MATCAP2: variants seen among roughly 807,000 people sequenced by gnomAD.
MATCAP2 encodes microtubule associated tyrosine carboxypeptidase 2, also known as putative tyrosine carboxypeptidase MATCAP2.
chr7:36,357,348 G>C, the MATCAP2 span: 3 of 1,613,398 alleles, frequency 1.9e-6, no homozygotes, highest in Non-Finnish European at 1.7e-6. Context: ...GAAGTGTTAG[G>C]AGATTTGCTG....
the MATCAP2 span, chr7:36,333,781 A>C: frequency 1.6e-6 from 2 of 1,221,636 alleles, no homozygotes; most frequent in Non-Finnish European, 2.3e-6. Flanking sequence ...TTTGTGATTC[A>C]GGGATTAGGA....
At chr7:36,353,893 GA>G in the MATCAP2 span, among the ~76,000 whole-genome samples, 1 of 151,138 alleles carries the variant, frequency 6.6e-6, no homozygotes, top group Non-Finnish European at 1.5e-5. Context: ...ATGAACTTAA[GA>G]TAATATGCAG....
chr7:36,351,395 CATAA>C, the MATCAP2 span, among the ~76,000 whole-genome samples: 8 of 151,218 alleles, frequency 5.3e-5, no homozygotes, highest in Non-Finnish European at 1.0e-4. Context: ...GACTCTGGCT[CATAA>C]ATAAATAAAT....
chr7:36,342,697 T>G, the MATCAP2 span, among the ~76,000 whole-genome samples: 1 of 152,166 alleles, frequency 6.6e-6, no homozygotes, highest in East Asian at 1.9e-4. Context: ...CGATCTTGGC[T>G]CACTGCAACT....
the MATCAP2 span, chr7:36,357,513 T>C: frequency 6.2e-7 from 1 of 1,614,164 alleles, no homozygotes; most frequent in Non-Finnish European, 8.5e-7. Context: ...ATGCTTCTTT[T>C]GTTGTCAATG....
chr7:36,364,581 A>T, the MATCAP2 span, among the ~76,000 whole-genome samples: 1 of 152,138 alleles, frequency 6.6e-6, no homozygotes, highest in Non-Finnish European at 1.5e-5. Context: ...ATTTGTAACG[A>T]CTTTTAGAGC....
chr7:36,335,077 A>G, the MATCAP2 span: 16 of 1,613,694 alleles, frequency 9.9e-6, no homozygotes, highest in Non-Finnish European at 1.1e-5. Context: ...CCTCCAGCCA[A>G]TGCTCACGTG....
At chr7:36,380,299 C>T in the MATCAP2 span, among the ~76,000 whole-genome samples, 1 of 152,108 alleles carries the variant, frequency 6.6e-6, no homozygotes, top group Non-Finnish European at 1.5e-5. Context: ...AGGTCATTTG[C>T]AGAGAGTAAA....
At chr7:36,361,036 G>C in the MATCAP2 span, among the ~76,000 whole-genome samples, 1 of 152,106 alleles carries the variant, frequency 6.6e-6, no homozygotes, top group Non-Finnish European at 1.5e-5. Context: ...ACCCCAACCT[G>C]ATTACCCATA....
chr7:36,359,212 T>C, the MATCAP2 span, among the ~76,000 whole-genome samples: 6 of 152,180 alleles, frequency 3.9e-5, no homozygotes, highest in Non-Finnish European at 1.5e-5. Context: ...CAGGGAACAT[T>C]TGGCAATGTC....
the MATCAP2 span, among the ~76,000 whole-genome samples, chr7:36,340,310 ACTT>A: frequency 2.0e-5 from 3 of 152,200 alleles, no homozygotes; most frequent in African/African-American, 7.2e-5. Context: ...ATTATGAAAA[ACTT>A]AAATACACGT....
At chr7:36,337,098 CAAAAA>C in the MATCAP2 span, among the ~76,000 whole-genome samples, 732 of 18,496 alleles carry the variant, frequency 0.04, 10 homozygotes, top group Middle Eastern at 0.083. Context: ...AACTCCATCT[CAAAAA>C]AAAAAAAAAA....
At chr7:36,333,939 A>G in the MATCAP2 span, 5 of 1,614,150 alleles carry the variant, frequency 3.1e-6, no homozygotes, top group East Asian at 2.2e-5. Context: ...AAACCTGCCA[A>G]TATCTTTAAA....
the MATCAP2 span, among the ~76,000 whole-genome samples, chr7:36,369,952 C>G: frequency 6.6e-6 from 1 of 152,002 alleles, no homozygotes; most frequent in African/African-American, 2.4e-5. Flanking sequence ...TTCACCCTAC[C>G]AATATTTTCT....
chr7:36,334,827 G>C, the MATCAP2 span, among the ~76,000 whole-genome samples: 1 of 152,102 alleles, frequency 6.6e-6, no homozygotes, highest in South Asian at 2.1e-4. Flanking sequence ...TGACTTTCCA[G>C]GTTCAATACA....
At chr7:36,344,029 GTAAA>G in the MATCAP2 span, among the ~76,000 whole-genome samples, 1 of 152,048 alleles carries the variant, frequency 6.6e-6, no homozygotes, top group South Asian at 2.1e-4. Context: ...TTTATTGTCT[GTAAA>G]TAAATAAAAC....
chr7:36,353,298 C>A, the MATCAP2 span, among the ~76,000 whole-genome samples: 969 of 152,240 alleles, frequency 6.4e-3, 8 homozygotes, highest in African/African-American at 0.022. Flanking sequence ...TGCTACAGGT[C>A]TTTTGGTGAC....
the MATCAP2 span, among the ~76,000 whole-genome samples, chr7:36,353,328 A>C: frequency 6.6e-6 from 1 of 152,158 alleles, no homozygotes; most frequent in Non-Finnish European, 1.5e-5. Context: ...TTTACAGGTG[A>C]GCAATTGTTA....
chr7:36,380,547 A>C, the MATCAP2 span, among the ~76,000 whole-genome samples: 9 of 152,200 alleles, frequency 5.9e-5, no homozygotes, highest in Non-Finnish European at 1.5e-5. Flanking sequence ...ATGGTATTAA[A>C]ATAGTTTCTC....
Sources: gnomAD v4.1 joint callset for allele counts (sites outside exome capture counted in the v4.1 genomes callset) on GRCh38, gnomAD v4.1.1 for gene constraint, MANE v1.5 for transcripts, NCBI Gene and HGNC (gene_info 2026-07-23, HGNC 2026-07-21) for gene names.